Variants in ZSCAN25 observed in about 807,000 individuals in gnomAD.
ZSCAN25 encodes zinc finger and SCAN domain containing 25, also known as zinc finger and SCAN domain-containing protein 25.
ZSCAN25 carries 27 observed loss-of-function variants against 38.7 expected under a neutral mutation model. That is an observed-to-expected ratio of 0.70 (90% confidence interval 0.51 to 0.96). The LOEUF is 0.96. Ranked by LOEUF, ZSCAN25 falls within the 40% of genes least tolerant of loss-of-function variation. The pLI, the probability that ZSCAN25 is intolerant of heterozygous loss-of-function variation, is 0.00. For synonymous variants in ZSCAN25, 273 were observed against 277.7 expected (o/e 0.98, Z 0.17); for missense variants, 637 against 705.9 (o/e 0.90, Z 1.11).
chr7:99,689,477 A>G, the ZSCAN25 span, among the ~76,000 whole-genome samples: 2 of 152,238 alleles, frequency 1.3e-5, no homozygotes, highest in Admixed American at 6.5e-5. Context: ...GAAGAAGTTG[A>G]ATCTCTGAAT....
At chr7:99,617,372 G>C (rs755218335) in intron 1 of ZSCAN25, among the ~76,000 whole-genome samples, 1 of 152,204 alleles carries the variant, frequency 6.6e-6, no homozygotes, top group Non-Finnish European at 1.5e-5. Context: ...CTTATTTAAA[G>C]AATAGTGATG....
chr7:99,735,960 A>AG, the ZSCAN25 span, among the ~76,000 whole-genome samples: 2 of 152,190 alleles, frequency 1.3e-5, no homozygotes, highest in African/African-American at 4.8e-5. Flanking sequence ...TAATACAGCC[A>AG]GAGCTCTTGG....
chr7:99,688,649 A>T, the ZSCAN25 span, among the ~76,000 whole-genome samples: 2 of 152,210 alleles, frequency 1.3e-5, no homozygotes, highest in East Asian at 3.8e-4. Context: ...CAGGAATTGA[A>T]CTCAGCTCTG....
At chr7:99,622,273 G>T (rs998602956) in intron 5 of ZSCAN25, 2 of 473,724 alleles carry the variant, frequency 4.2e-6, no homozygotes, top group African/African-American at 4.0e-5. Flanking sequence ...TATTCCCAGA[G>T]TGTGACTGGG....
the ZSCAN25 span, among the ~76,000 whole-genome samples, chr7:99,682,325 GT>G: frequency 6.6e-6 from 1 of 152,174 alleles, no homozygotes; most frequent in Non-Finnish European, 1.5e-5. Context: ...GAGATACAGG[GT>G]TCTAGTTTCA....
chr7:99,663,541 G>T, the ZSCAN25 span: 2 of 992,046 alleles, frequency 2.0e-6, no homozygotes, highest in Non-Finnish European at 2.4e-6. Flanking sequence ...TCAGCAGTCG[G>T]CAGGTAGCCT....
At chr7:99,623,675 C>T in intron 6 of ZSCAN25, among the ~76,000 whole-genome samples, 1 of 152,238 alleles carries the variant, frequency 6.6e-6, no homozygotes, top group African/African-American at 2.4e-5. Flanking sequence ...TGGATCCTCC[C>T]TTGTACCATA....
In ZSCAN25 at chr7:99,621,588, A is replaced by G. The variant is rs1806967201; in HGVS notation, c.589+14A>G. 2 of 1,396,594 alleles carry G rather than the reference A, an allele frequency of 1.4e-6. No homozygotes were observed. Among genetic ancestry groups the G allele is most frequent in the South Asian group, 1.7e-5 (1 of 57,844 alleles). 86.5% of individuals were successfully genotyped at this position (1,396,594 alleles called of 1,614,324 possible). A position where few individuals can be genotyped will look rare whatever the true frequency, so the allele number is the denominator to read the frequency against. The stretch of plus-strand genomic sequence containing the variant: ...TCCAGGAGCAAGGTGAGTAAGACGC[A>G]GATAGTGGGGATGTCAGGTCATAGG... On this transcript the variant is annotated intron_variant, in intron 5 of 7. Transcript: ENST00000394152.
the ZSCAN25 span, among the ~76,000 whole-genome samples, chr7:99,698,446 G>A: frequency 0.031 from 4,698 of 152,150 alleles, 230 homozygotes; most frequent in African/African-American, 0.1. Context: ...TACTTCATAC[G>A]GATCCTACGT....
In ZSCAN25 at chr7:99,629,405, C is replaced by G; in HGVS notation, c.1020C>G (p.Thr340=). ...GAIPLPDEVK[T]HSSFWKPFQC... is the part of the protein sequence containing the mutation. ...TCCCCCTGCCTGACGAAGTCAAAACCCACAGCTCCTTCTGGAAGCCTTTCC... is the reference window on the plus strand; with the variant it reads ...TCCCCCTGCCTGACGAAGTCAAAACGCACAGCTCCTTCTGGAAGCCTTTCC... Residue 340 remains threonine, a synonymous_variant, in exon 8 of 8, where the codon ACC becomes ACG. Transcript: ENST00000394152. The surrounding 1 kb of genome is among the most constrained non-coding windows in gnomAD (Gnocchi z 5.6). The G allele has an allele frequency of 1.2e-6, 2 of 1,614,216 alleles. No individual in the cohort carries two copies. The highest frequency in any genetic ancestry group is 8.5e-7 in the Non-Finnish European group (1 of 1,180,036).
intron 7 of ZSCAN25, among the ~76,000 whole-genome samples, chr7:99,627,726 C>A (rs559631901): frequency 1.3e-5 from 2 of 148,620 alleles, no homozygotes; most frequent in African/African-American, 5.0e-5. Flanking sequence ...ATACGTATAT[C>A]TCGTATATGC....
the ZSCAN25 span, among the ~76,000 whole-genome samples, chr7:99,699,185 A>G: frequency 1.3e-5 from 2 of 152,242 alleles, no homozygotes; most frequent in Non-Finnish European, 2.9e-5. Flanking sequence ...CCATTAGCTG[A>G]GAAACAAAGC....
At chr7:99,692,024 G>T in the ZSCAN25 span, among the ~76,000 whole-genome samples, 1 of 152,206 alleles carries the variant, frequency 6.6e-6, no homozygotes, top group Non-Finnish European at 1.5e-5. Context: ...TTTTTGCAGT[G>T]TCTGGTAGCA....
At chr7:99,735,223 A>T in the ZSCAN25 span, 1 of 1,288,956 alleles carries the variant, frequency 7.8e-7, no homozygotes, top group Non-Finnish European at 1.1e-6. Context: ...TGGATTGTTT[A>T]TATGCTGGAG....
the ZSCAN25 span, chr7:99,730,925 G>T: frequency 8.3e-7 from 1 of 1,211,170 alleles, no homozygotes; most frequent in Non-Finnish European, 1.2e-6. Flanking sequence ...GCCACGCTCT[G>T]GGTGATGCCT....
chr7:99,716,631 C>T, the ZSCAN25 span, among the ~76,000 whole-genome samples: 12 of 152,156 alleles, frequency 7.9e-5, no homozygotes, highest in Non-Finnish European at 1.0e-4. Flanking sequence ...TAAGTGTAGA[C>T]AGCAAATAAT....
At chr7:99,673,455 T>G in the ZSCAN25 span, among the ~76,000 whole-genome samples, 3 of 152,240 alleles carry the variant, frequency 2.0e-5, no homozygotes, top group African/African-American at 7.2e-5. Context: ...TTAATAATAT[T>G]CAGCATCTCT....
At chr7:99,650,089 G>T in the ZSCAN25 span, 1 of 1,614,010 alleles carries the variant, frequency 6.2e-7, no homozygotes, top group South Asian at 1.1e-5. Flanking sequence ...TTCTTTACAA[G>T]GTTTGAAGGA....
Position 99,630,497 on chromosome 7 carries a change from T to C in ZSCAN25, c.*477T>C. On this transcript the variant is annotated 3_prime_UTR_variant, in exon 8 of 8. Transcript: ENST00000394152. ...CTGGCCGTGGGAATGCCGTGGTGAA[T>C]GAGAGACTAGACGTGATGCCTCTGG... 1 of 996,954 alleles carries C rather than the reference T, an allele frequency of 1.0e-6. No homozygotes were observed. The highest frequency in any genetic ancestry group is 1.2e-6 in the Non-Finnish European group (1 of 837,008). The allele number at this position is 996,954 out of a possible 1,614,324, so 61.8% of individuals were successfully genotyped here. A position where few individuals can be genotyped will look rare whatever the true frequency, so the allele number is the denominator to read the frequency against.
Sources: gnomAD v4.1 joint callset for allele counts (sites outside exome capture counted in the v4.1 genomes callset) on GRCh38, gnomAD v4.1.1 for gene constraint, Gnocchi (gnomAD v3.1) non-coding constraint, MANE v1.5 for transcripts, NCBI Gene and HGNC (gene_info 2026-07-23, HGNC 2026-07-21) for gene names.